Variants in TADA2B observed in about 807,000 individuals in gnomAD.
TADA2B encodes the protein transcriptional adapter 2-beta.
In TADA2B, 13 loss-of-function variants were observed where a neutral mutation model predicts 34.5. The ratio of observed to expected loss-of-function variants is 0.38; its 90% CI spans 0.25 to 0.60. The LOEUF (loss-of-function observed/expected upper bound fraction) is 0.60. Among genes scored for constraint, TADA2B ranks in the 20% least tolerant of loss-of-function variants. TADA2B has a pLI of 0.65. For synonymous variants in TADA2B, 240 were observed against 243.4 expected (o/e 0.99, Z 0.13); for missense variants, 442 against 575.0 (o/e 0.77, Z 2.37).
chr4:7,044,877 C>A (rs1273488533), intron 1 of TADA2B: 2 of 152,242 alleles, frequency 1.3e-5, no homozygotes, highest in African/African-American at 4.8e-5. Context: ...GCTTTCCTTT[C>A]CTGAGTGAGT....
In TADA2B at chr4:7,054,633, A is replaced by G; in HGVS notation, c.842A>G (p.Glu281Gly). ...GACCTTTTTGAAAACATGCACAAAG[A>G]AAAAATGCTCCGGGCCAAGATCCGA... Reference protein sequence around the residue: ...FDDLFENMHKEKMLRAKIREL... With the variant: ...FDDLFENMHKGKMLRAKIREL... The change falls in exon 2 of 2, where the codon GAA becomes GGA. Residue 281 changes from glutamate to glycine, a missense_variant. This residue lies in a region of TADA2B where 222 missense variants were observed against 235.2 expected (regional missense o/e 0.94). Transcript: ENST00000310074. 1 of 1,613,938 alleles carries G rather than the reference A, an allele frequency of 6.2e-7. No individual in the cohort carries two copies. The highest frequency in any genetic ancestry group is 8.5e-7 in the Non-Finnish European group (1 of 1,179,884).
Position 7,043,747 on chromosome 4 carries a change from C to G in TADA2B, c.168C>G (p.Gly56=), listed in dbSNP as rs1419129599. The change falls in exon 1 of 2, where the codon GGC becomes GGG. Residue 56 remains glycine, a synonymous_variant. Coordinates refer to ENST00000310074, the MANE Select transcript of TADA2B (RefSeq NM_152293.3). ...RRYHGYQLVD[G]GRFTLWGPEA... is the part of the protein sequence containing the mutation. ...ACCACGGCTACCAGCTGGTGGACGGCGGGCGCTTCACGCTCTGGGGGCCCG... is the reference window on the plus strand; with the variant it reads ...ACCACGGCTACCAGCTGGTGGACGGGGGGCGCTTCACGCTCTGGGGGCCCG... The G allele has an allele frequency of 1.4e-5, 22 of 1,584,608 alleles. No homozygotes were observed. The highest frequency in any genetic ancestry group is 1.8e-4 in the Middle Eastern group (1 of 5,668).
intron 1 of TADA2B, among the ~76,000 whole-genome samples, chr4:7,048,023 G>C (rs1215386488): frequency 6.6e-6 from 1 of 152,188 alleles, no homozygotes; most frequent in Non-Finnish European, 1.5e-5. Context: ...TCAACCCAAG[G>C]CTTCTGACTC....
In TADA2B at chr4:7,055,168, T is replaced by C; in HGVS notation, c.*114T>C. On this transcript the variant is annotated 3_prime_UTR_variant, in exon 2 of 2. Coordinates refer to ENST00000310074, the MANE Select transcript of TADA2B (RefSeq NM_152293.3). ...CTCTTTTTTAAACAAATTGAGTTCCTTTTTTTAAGATAGAAATTCTTTTCA... is the reference window on the plus strand; with the variant it reads ...CTCTTTTTTAAACAAATTGAGTTCCCTTTTTTAAGATAGAAATTCTTTTCA... 9.3e-7 allele frequency: 1 copy of C among 1,076,496 alleles called. No individual in the cohort carries two copies. The highest frequency in any genetic ancestry group is 1.8e-5 in the South Asian group (1 of 56,920). The allele number at this position is 1,076,496 out of a possible 1,614,324, so 66.7% of individuals were successfully genotyped here. A position where few individuals can be genotyped will look rare whatever the true frequency, so the allele number is the denominator to read the frequency against.
chr4:7,052,055 C>T (rs1218761865), intron 1 of TADA2B, among the ~76,000 whole-genome samples: 4 of 152,224 alleles, frequency 2.6e-5, no homozygotes, highest in Admixed American at 6.5e-5. Context: ...GCCTCTGGGA[C>T]GAGGGGGACA....
At position 7,043,796 on chromosome 4, in the gene TADA2B, C is replaced by T; in HGVS notation, c.217C>T (p.Arg73Cys). Residue 73 changes from arginine to cysteine, a missense_variant, in exon 1 of 2, where the codon CGC becomes TGC. By Grantham distance (180) the Arg-to-Cys change is radical. Coordinates refer to ENST00000310074, the MANE Select transcript of TADA2B (RefSeq NM_152293.3). ...GPEAEGGWTS[R>C]EEQLLLDAIE... ...CGAGGCCGAGGGCGGCTGGACCAGT[C>T]GCGAGGAGCAGCTGCTGCTGGACGC... 6.5e-7 allele frequency: 1 copy of T among 1,540,388 alleles called. No individual in the cohort carries two copies. The highest frequency in any genetic ancestry group is 8.7e-7 in the Non-Finnish European group (1 of 1,144,660).
At chr4:7,048,705 G>C (rs1333287416) in intron 1 of TADA2B, among the ~76,000 whole-genome samples, 1 of 152,160 alleles carries the variant, frequency 6.6e-6, no homozygotes, top group Non-Finnish European at 1.5e-5. Flanking sequence ...CATCTTGGCA[G>C]ACTGAAACTC....
intron 1 of TADA2B, chr4:7,045,850 G>A (rs897200779): frequency 1.3e-5 from 2 of 152,208 alleles, no homozygotes; most frequent in African/African-American, 4.8e-5. Flanking sequence ...ACAAGACCTG[G>A]GGAACAAAAA....
In TADA2B at chr4:7,055,945, G is replaced by T. The variant is rs1245502183; in HGVS notation, c.*891G>T. 1 of 152,262 alleles carries T rather than the reference G, an allele frequency of 6.6e-6. No individual in the cohort carries two copies. Among genetic ancestry groups the T allele is most frequent in the Non-Finnish European group, 1.5e-5 (1 of 68,048 alleles). 9.4% of individuals were successfully genotyped at this position (152,262 alleles called of 1,614,324 possible). A position where few individuals can be genotyped will look rare whatever the true frequency, so the allele number is the denominator to read the frequency against. Reference sequence around the variant, plus strand: ...AGACGTGAGTGCATTTCACTTGGAAGAACCCATTGTACAAAGTTCAAGGCT... The same window carrying T: ...AGACGTGAGTGCATTTCACTTGGAATAACCCATTGTACAAAGTTCAAGGCT... On this transcript the variant is annotated 3_prime_UTR_variant, in exon 2 of 2. Transcript: ENST00000310074.
At chr4:7,052,748 C>CAGT (rs10665244) in intron 1 of TADA2B, 149,421 of 152,376 alleles carry the variant, frequency 0.98, 73,271 homozygotes, top group East Asian at 1. Flanking sequence ...TTGCTACAAA[C>CAGT]GGTGTTTTTA....
rs1723891105 is a variant in TADA2B, at chr4:7,056,304, C to T, written c.*1250C>T. 6.6e-6 allele frequency: 1 copy of T among 152,660 alleles called. No individual in the cohort carries two copies. Among genetic ancestry groups the T allele is most frequent in the Admixed American group, 6.5e-5 (1 of 15,282 alleles). 9.5% of individuals were successfully genotyped at this position (152,660 alleles called of 1,614,324 possible). On this transcript the variant is annotated 3_prime_UTR_variant, in exon 2 of 2. Transcript: ENST00000310074. ...CTTTCAAGGATGTCCACGGTACCTT[C>T]CTCCTGAAACTTGAGGAAGTCTTTT... is the stretch of plus-strand genomic sequence containing the variant.
Position 7,054,349 on chromosome 4 carries a change from C to T in TADA2B, c.558C>T (p.Ser186=), listed in dbSNP as rs202116024. The T allele has an allele frequency of 6.8e-6, 11 of 1,613,524 alleles. No individual in the cohort carries two copies. In the African/African-American group the frequency reaches 9.3e-5, roughly 14 times the overall value. Residue 186 remains serine (S), a synonymous_variant, in exon 2 of 2, where the codon AGC becomes AGT. Coordinates refer to ENST00000310074, the MANE Select transcript of TADA2B (RefSeq NM_152293.3). ...ACCAGGATGCCGAGACGCTCATCAG[C>T]GGGCTCTCTGTCAACTATGATGACG... ...EYDQDAETLI[S]GLSVNYDDDD...
At position 7,055,180 on chromosome 4, in the gene TADA2B, A is replaced by T. The variant is rs1030903381; in HGVS notation, c.*126A>T. On this transcript the variant is annotated 3_prime_UTR_variant, in exon 2 of 2. Coordinates refer to ENST00000310074, the MANE Select transcript of TADA2B (RefSeq NM_152293.3). ...CAAATTGAGTTCCTTTTTTTAAGAT[A>T]GAAATTCTTTTCATGGTCCTCTGAA... 7.5e-5 allele frequency: 76 copies of T among 1,007,566 alleles called. No homozygotes were observed. Among genetic ancestry groups the T allele is most frequent in the Non-Finnish European group, 1.1e-4 (75 of 700,192 alleles). The allele number at this position is 1,007,566 out of a possible 1,614,324, so 62.4% of individuals were successfully genotyped here.
chr4:7,047,759 G>A (rs1399871774), intron 1 of TADA2B, among the ~76,000 whole-genome samples: 1 of 152,244 alleles, frequency 6.6e-6, no homozygotes, highest in Non-Finnish European at 1.5e-5. Context: ...TAAGAGTCTG[G>A]TGTATTCAGG....
intron 1 of TADA2B, chr4:7,053,035 G>C (rs1723803853): frequency 6.6e-6 from 1 of 152,342 alleles, no homozygotes; most frequent in Non-Finnish European, 1.5e-5. Context: ...GCCTGGATGG[G>C]GTGGCGGTCC....
chr4:7,054,968 C>T lies in TADA2B; in HGVS notation c.1177C>T (p.Leu393Phe). The T allele has an allele frequency of 6.2e-7, 1 of 1,613,902 alleles. No individual in the cohort carries two copies. Among genetic ancestry groups the T allele is most frequent in the Non-Finnish European group, 8.5e-7 (1 of 1,179,890 alleles). The change falls in exon 2 of 2, where the codon CTT (leucine) becomes TTT (phenylalanine). Residue 393 changes from leucine (L) to phenylalanine (F), a missense_variant. Physicochemically the swap from Leu to Phe is conservative, Grantham distance 22. Transcript: ENST00000310074. ...KRQGIPSKSRLPSYLDKVLKK... is the reference protein window; with the variant it reads ...KRQGIPSKSRFPSYLDKVLKK... ...GCAAGGAATCCCCTCCAAAAGCCGCCTTCCTAGCTACCTGGACAAAGTCCT... is the reference window on the plus strand; with the variant it reads ...GCAAGGAATCCCCTCCAAAAGCCGCTTTCCTAGCTACCTGGACAAAGTCCT...
At chr4:7,048,759 C>T (rs561902368) in intron 1 of TADA2B, among the ~76,000 whole-genome samples, 1 of 152,306 alleles carries the variant, frequency 6.6e-6, no homozygotes, top group South Asian at 2.1e-4. Context: ...TCCCCAGTCC[C>T]TGGCACCCCC....
chr4:7,043,949 C>A, intron 1 of TADA2B, 100 bp downstream of exon 1: 2 of 1,333,506 alleles, frequency 1.5e-6, no homozygotes, highest in Non-Finnish European at 1.9e-6. Context: ...TGCTCGCTCG[C>A]TCCGCACCCC....
At chr4:7,049,079 C>G (rs539039061) in intron 1 of TADA2B, among the ~76,000 whole-genome samples, 237 of 108,028 alleles carry the variant, frequency 2.2e-3, no homozygotes, top group African/African-American at 8.4e-3. Flanking sequence ...AGGTTAGGTT[C>G]TGTGTGTAAT....
Sources: gnomAD v4.1 joint callset for allele counts (sites outside exome capture counted in the v4.1 genomes callset) on GRCh38, gnomAD v4.1.1 for gene constraint, gnomAD v4.1.1 regional missense constraint, MANE v1.5 for transcripts, NCBI Gene and HGNC (gene_info 2026-07-23, HGNC 2026-07-21) for gene names.